GLI3: variants seen among roughly 807,000 people sequenced by gnomAD.
GLI3 encodes transcription activator GLI3.
Under a neutral mutation model 100.8 loss-of-function variants are expected in GLI3, and 20 were observed. The observed-to-expected ratio is 0.20, with a 90% CI of 0.14 to 0.29. The LOEUF is 0.29. Ranked by LOEUF, GLI3 falls within the 10% of genes least tolerant of loss-of-function variation. The pLI is 1.00. For synonymous variants in GLI3, 938 were observed against 860.5 expected (o/e 1.09, Z -1.58); for missense variants, 2,040 against 2,128.5 (o/e 0.96, Z 0.82).
chr7:42,236,086 C>T (rs1168137197), intron 1 of GLI3, among the ~76,000 whole-genome samples: 3 of 151,970 alleles, frequency 2.0e-5, no homozygotes, highest in Middle Eastern at 3.2e-3. Context: ...GGGACAGGAG[C>T]ACAAAGTTCA....
At chr7:42,070,112 G>A (rs543747591) in intron 4 of GLI3, among the ~76,000 whole-genome samples, 12 of 152,200 alleles carry the variant, frequency 7.9e-5, no homozygotes, top group Non-Finnish European at 1.3e-4. Flanking sequence ...ATGTGATTAA[G>A]TATTGGTCAA....
In GLI3 at chr7:41,968,968, G is replaced by A. The variant is rs996448497; in HGVS notation, c.2104-1045C>T. Among the ~76,000 whole-genome samples the A allele has an allele frequency of 8.5e-5, 13 of 152,076 alleles. 1 individual carries two copies. Among genetic ancestry groups the A allele is most frequent in the Non-Finnish European group, 1.2e-4 (8 of 68,018 alleles). On this transcript the variant is annotated intron_variant, in intron 13 of 14. Transcript: ENST00000395925. Reference sequence around the variant, plus strand: ...CAATGGAATCTTAATCTAGTCCACCGTAGTCCTCAATCAGGGAAAGTACTG... The same window carrying A: ...CAATGGAATCTTAATCTAGTCCACCATAGTCCTCAATCAGGGAAAGTACTG...
At chr7:42,056,938 C>T (rs563210928) in intron 4 of GLI3, among the ~76,000 whole-genome samples, 56 of 149,372 alleles carry the variant, frequency 3.7e-4, no homozygotes, top group Non-Finnish European at 5.5e-4. Flanking sequence ...GCTGAGATCA[C>T]GCCATTGCAC....
Position 41,965,019 on chromosome 7 carries a change from A to G in GLI3, c.4054T>C (p.Ser1352Pro). The change falls in exon 15 of 15, where the codon TCA becomes CCA. Residue 1352 changes from serine (S) to proline (P), a missense_variant. Physicochemically the swap from Ser to Pro is moderately conservative, Grantham distance 74. Around this residue, in one of 5 missense-constraint regions of GLI3, gnomAD observed 1,041 missense variants for 924.0 expected, o/e 1.13. Transcript: ENST00000395925. ...GGCCCTTGGTAGATGTTGATGTGTG[A>G]GGTAGCACTAATCTGCCCAAGCATC... Reference protein sequence around the residue: ...QQMLGQISATSHINIYQGPES... With the variant: ...QQMLGQISATPHINIYQGPES... The G allele has an allele frequency of 7.4e-6, 12 of 1,613,822 alleles. No individual in the cohort carries two copies. Among genetic ancestry groups the G allele is most frequent in the Non-Finnish European group, 9.3e-6 (11 of 1,179,954 alleles).
chr7:42,194,933 A>AT (rs1437442838), intron 2 of GLI3, among the ~76,000 whole-genome samples: 3 of 151,428 alleles, frequency 2.0e-5, no homozygotes, highest in South Asian at 2.1e-4. Flanking sequence ...GGTCTGGCTA[A>AT]TTTTTTTATT....
At chr7:41,985,945 A>T (rs1339351382) in intron 10 of GLI3, among the ~76,000 whole-genome samples, 1 of 152,240 alleles carries the variant, frequency 6.6e-6, no homozygotes, top group Non-Finnish European at 1.5e-5. Context: ...CAGATTATTT[A>T]AAAACCTGAA....
chr7:42,244,467 A>C (rs964555744), intron 1 of GLI3, among the ~76,000 whole-genome samples: 16 of 152,332 alleles, frequency 1.1e-4, no homozygotes, highest in African/African-American at 3.6e-4. Flanking sequence ...GTAAAATCAA[A>C]GTTGAGCCTG....
rs540080574 is a variant in GLI3 at position 42,254,408 on chromosome 7, A to G, written c.-43+9586T>C. On this transcript the variant is annotated intron_variant, in intron 1 of 2. Transcript: ENST00000678978. ...TCTTTATAGGTTGGCCAATATGATG[A>G]CACAAGAGTGAGGAAAAGAGAGTAT... Among the ~76,000 whole-genome samples, 6 of 152,278 alleles carry G rather than the reference A, an allele frequency of 3.9e-5. No individual in the cohort carries two copies. The South Asian group carries it at 1.2e-3, about 32-fold the overall frequency.
chr7:42,111,607 C>T (rs1386271815), intron 3 of GLI3, among the ~76,000 whole-genome samples: 3 of 152,254 alleles, frequency 2.0e-5, no homozygotes, highest in African/African-American at 7.2e-5. Flanking sequence ...GAGAGCAGGC[C>T]TGAGGAAGGT....
chr7:42,262,380 C>T (rs536297101), intron 1 of GLI3, among the ~76,000 whole-genome samples: 2 of 152,036 alleles, frequency 1.3e-5, no homozygotes, highest in Non-Finnish European at 2.9e-5. Flanking sequence ...CCACCTCAGG[C>T]TCCCAAGTAG....
intron 7 of GLI3, among the ~76,000 whole-genome samples, chr7:42,031,394 AAC>A (rs1789293546): frequency 6.6e-6 from 1 of 152,232 alleles, no homozygotes; most frequent in Non-Finnish European, 1.5e-5. Flanking sequence ...GCAACGTGCT[AAC>A]ACAGTCAGAG....
At position 41,966,363 on chromosome 7, in the gene GLI3, G is replaced by A; in HGVS notation, c.2710C>T (p.Arg904Cys). The A allele has an allele frequency of 1.9e-6, 3 of 1,608,418 alleles. No homozygotes were observed. Among genetic ancestry groups the A allele is most frequent in the Non-Finnish European group, 2.5e-6 (3 of 1,179,260 alleles). The change falls in exon 15 of 15, where the codon CGC becomes TGC. Residue 904 changes from arginine to cysteine, a missense_variant. Around this residue, in one of 5 missense-constraint regions of GLI3, gnomAD observed 8 missense variants for 23.9 expected, o/e 0.33. Transcript: ENST00000395925. The surrounding 1 kb of genome is among the most constrained non-coding windows in gnomAD (Gnocchi z 5.8). ...SYDPISTDAS[R>C]RSSEASQSDG... ...CTCTGGCTGGCTTCGCTGGAGCGGC[G>A]CGAGGCGTCGGTGGAGATGGGGTCG...
At chr7:41,970,268 GATCAA>G (rs1168262109) in intron 13 of GLI3, among the ~76,000 whole-genome samples, 2 of 152,066 alleles carry the variant, frequency 1.3e-5, no homozygotes, top group Admixed American at 6.6e-5. Flanking sequence ...ATAGCATGAT[GATCAA>G]ATCAAAGACA....
intron 4 of GLI3, among the ~76,000 whole-genome samples, chr7:42,051,969 T>C (rs1784361826): frequency 6.6e-6 from 1 of 152,200 alleles, no homozygotes. Context: ...TTAAAAATCC[T>C]CTTTCACCAA....
intron 6 of GLI3, among the ~76,000 whole-genome samples, chr7:42,041,643 A>AT (rs1784140648): frequency 6.6e-6 from 1 of 152,128 alleles, no homozygotes; most frequent in African/African-American, 2.4e-5. Flanking sequence ...ATCTTTCTTT[A>AT]TTTAAAAAAA....
Position 41,964,386 on chromosome 7 carries a change from T to G in GLI3, c.4687A>C (p.Ser1563Arg), listed in dbSNP as rs772874812. 1 of 1,614,160 alleles carries G rather than the reference T, an allele frequency of 6.2e-7. No individual in the cohort carries two copies. Among genetic ancestry groups the G allele is most frequent in the East Asian group, 2.2e-5 (1 of 44,886 alleles). Residue 1563 changes from serine (S) to arginine (R), a missense_variant, in exon 15 of 15, where the codon AGT becomes CGT. By Grantham distance (110) the Ser-to-Arg change is moderately radical. Coordinates refer to ENST00000395925, the MANE Select transcript of GLI3 (RefSeq NM_000168.6). ...TCCGCTAGGGAGGTCAGCAAAGAAC[T>G]CATGTCCCCGATAGCCATGTTGGTG... Reference protein sequence around the residue: ...STTNMAIGDMSSLLTSLAEES... With the variant: ...STTNMAIGDMRSLLTSLAEES...
intron 2 of GLI3, among the ~76,000 whole-genome samples, chr7:42,166,814 C>T (rs1427138263): frequency 2.0e-5 from 3 of 151,242 alleles, no homozygotes; most frequent in Admixed American, 6.6e-5. Context: ...TACACGCCAC[C>T]ATGACCAGCT....
At chr7:42,164,545 T>C (rs1040296241) in intron 2 of GLI3, among the ~76,000 whole-genome samples, 12 of 151,120 alleles carry the variant, frequency 7.9e-5, no homozygotes, top group Non-Finnish European at 4.4e-5. Context: ...AAAATAAAAA[T>C]AATTGCCGAG....
intron 1 of GLI3, among the ~76,000 whole-genome samples, chr7:42,249,757 A>C (rs1789012465): frequency 1.4e-5 from 2 of 144,860 alleles, no homozygotes; most frequent in Admixed American, 1.4e-4. Flanking sequence ...GTACATATAC[A>C]CATGTACATG....
Sources: gnomAD v4.1 joint callset for allele counts (sites outside exome capture counted in the v4.1 genomes callset) on GRCh38, gnomAD v4.1.1 for gene constraint, gnomAD v4.1.1 regional missense constraint, Gnocchi (gnomAD v3.1) non-coding constraint, MANE v1.5 for transcripts, NCBI Gene and HGNC (gene_info 2026-07-23, HGNC 2026-07-21) for gene names.